SOX6: variants seen among roughly 807,000 people sequenced by gnomAD.
The protein encoded by SOX6 is transcription factor SOX-6.
In SOX6, 11 loss-of-function variants were observed where a neutral mutation model predicts 97.8. The observed-to-expected ratio is 0.11, with a 90% CI of 0.07 to 0.19. The LOEUF (loss-of-function observed/expected upper bound fraction) is 0.19. Ranked by LOEUF, SOX6 falls within the 10% of genes least tolerant of loss-of-function variation. The pLI, the probability that SOX6 is intolerant of heterozygous loss-of-function variation, is 1.00. For synonymous variants in SOX6, 360 were observed against 371.4 expected (o/e 0.97, Z 0.35); for missense variants, 810 against 1,039.5 (o/e 0.78, Z 3.04).
intron 4 of SOX6, among the ~76,000 whole-genome samples, chr11:16,488,822 T>C (rs2133130936): frequency 6.6e-6 from 1 of 152,248 alleles, no homozygotes; most frequent in African/African-American, 2.4e-5. Context: ...CACTTTAAAG[T>C]CCAGACAAGA....
intron 6 of SOX6, among the ~76,000 whole-genome samples, chr11:16,126,030 T>C (rs1282486248): frequency 6.6e-6 from 1 of 152,068 alleles, no homozygotes; most frequent in Non-Finnish European, 1.5e-5. Flanking sequence ...TTACAGAACA[T>C]ATATTTAACA....
chr11:15,994,314 T>C (rs146221704), intron 13 of SOX6, among the ~76,000 whole-genome samples: 168 of 151,178 alleles, frequency 1.1e-3, no homozygotes, highest in African/African-American at 3.9e-3. Flanking sequence ...TACCAGCAGG[T>C]ATGAATGTGA....
chr11:16,589,702 T>C (rs562878816), intron 4 of SOX6, among the ~76,000 whole-genome samples: 120 of 152,304 alleles, frequency 7.9e-4, no homozygotes, highest in African/African-American at 2.6e-3. Flanking sequence ...TAGAGATTTA[T>C]ATCTAGTATC....
In SOX6 at chr11:15,989,073, A is replaced by T. The variant is rs1216170601; in HGVS notation, c.1890T>A (p.Val630=). ...HIKRPMNAFM[V]WAKDERRKIL... is the part of the protein sequence containing the mutation. The stretch of plus-strand genomic sequence containing the variant: ...TTTTTCTCCTCTCATCCTTTGCCCA[A>T]ACCATGAATGCATTCATTGGTCGCT... The change falls in exon 14 of 16, where the codon GTT becomes GTA. Residue 630 remains valine, a synonymous_variant. Transcript: ENST00000683767. 6.2e-7 allele frequency: 1 copy of T among 1,614,176 alleles called. No homozygotes were observed. Among genetic ancestry groups the T allele is most frequent in the South Asian group, 1.1e-5 (1 of 91,080 alleles).
At chr11:16,664,967 C>G (rs1406797877) in intron 3 of SOX6, among the ~76,000 whole-genome samples, 1 of 151,796 alleles carries the variant, frequency 6.6e-6, no homozygotes, top group Non-Finnish European at 1.5e-5. Context: ...AACCTCATAC[C>G]TTGAAGGTAA....
chr11:16,298,151 A>C (rs1855153404), intron 3 of SOX6, among the ~76,000 whole-genome samples: 1 of 152,142 alleles, frequency 6.6e-6, no homozygotes, highest in East Asian at 1.9e-4. Context: ...CTCATTTTAA[A>C]ATTTTATTCC....
chr11:15,999,130 C>T (rs1019448947), intron 13 of SOX6, among the ~76,000 whole-genome samples: 3 of 151,838 alleles, frequency 2.0e-5, no homozygotes, highest in Admixed American at 6.6e-5. Flanking sequence ...TAGTTATGGC[C>T]AATAAGCAGA....
chr11:16,545,376 A>C (rs11023983), intron 4 of SOX6, among the ~76,000 whole-genome samples: 57,306 of 150,684 alleles, frequency 0.38, 12,095 homozygotes, highest in Non-Finnish European at 0.46. Flanking sequence ...ACATCTCAAT[A>C]GACACAGAAA....
At chr11:16,678,395 T>C (rs1375180685) in intron 3 of SOX6, among the ~76,000 whole-genome samples, 1 of 152,240 alleles carries the variant, frequency 6.6e-6, no homozygotes, top group Non-Finnish European at 1.5e-5. Context: ...TTTTAAAATC[T>C]ATTTATTTAG....
intron 1 of SOX6, among the ~76,000 whole-genome samples, chr11:16,454,448 T>A (rs920651895): frequency 6.6e-6 from 1 of 152,038 alleles, no homozygotes; most frequent in Non-Finnish European, 1.5e-5. Flanking sequence ...TCAAGCCATA[T>A]TTATTATTGT....
At chr11:16,478,998 G>A (rs566108205), upstream of SOX6, among the ~76,000 whole-genome samples, 2 of 152,124 alleles carry the variant, frequency 1.3e-5, no homozygotes, top group East Asian at 1.9e-4. Context: ...TACATTCAGC[G>A]AAGAGTGACC....
At chr11:16,555,042 A>C (rs917619670) in intron 4 of SOX6, among the ~76,000 whole-genome samples, 6 of 152,002 alleles carry the variant, frequency 3.9e-5, no homozygotes, top group African/African-American at 1.4e-4. Context: ...GTACAAGACT[A>C]CTTCTCTAAA....
intron 3 of SOX6, among the ~76,000 whole-genome samples, chr11:16,261,396 AT>A (rs1270384026): frequency 6.6e-6 from 1 of 152,068 alleles, no homozygotes; most frequent in African/African-American, 2.4e-5. Flanking sequence ...ATTTTCTGTA[AT>A]TTTTTTCTGC....
At chr11:16,418,922 A>G (rs1858975709) in intron 1 of SOX6, among the ~76,000 whole-genome samples, 1 of 152,074 alleles carries the variant, frequency 6.6e-6, no homozygotes, top group Non-Finnish European at 1.5e-5. Context: ...TCCCACTCCT[A>G]TTTCTCTGAA....
chr11:16,137,289 G>A (rs979063408), intron 6 of SOX6, among the ~76,000 whole-genome samples: 1 of 152,050 alleles, frequency 6.6e-6, no homozygotes, highest in East Asian at 1.9e-4. Flanking sequence ...AGCTGGACAT[G>A]GTGGCATGCG....
intron 1 of SOX6, among the ~76,000 whole-genome samples, chr11:16,463,546 T>A (rs1859972180): frequency 6.6e-6 from 1 of 152,234 alleles, no homozygotes; most frequent in Admixed American, 6.5e-5. Context: ...AAAAACAACA[T>A]GTAAGTGCTT....
At chr11:16,398,934 A>G (rs1448541848) in intron 1 of SOX6, among the ~76,000 whole-genome samples, 1 of 151,394 alleles carries the variant, frequency 6.6e-6, no homozygotes, top group East Asian at 1.9e-4. Flanking sequence ...TTTTATTTTC[A>G]TAGAATCTTT....
chr11:16,377,573 A>G (rs1051911592), intron 1 of SOX6, among the ~76,000 whole-genome samples: 2 of 152,182 alleles, frequency 1.3e-5, no homozygotes, highest in African/African-American at 4.8e-5. Context: ...ACAATTTAAG[A>G]TGGAAAAAAA....
At chr11:16,080,258 T>TAA (rs11354992) in intron 9 of SOX6, among the ~76,000 whole-genome samples, 10 of 106,158 alleles carry the variant, frequency 9.4e-5, no homozygotes, top group African/African-American at 1.8e-4. Context: ...TTAAGAAAAC[T>TAA]AAAAAAAAAA....
Sources: gnomAD v4.1 joint callset for allele counts (sites outside exome capture counted in the v4.1 genomes callset) on GRCh38, gnomAD v4.1.1 for gene constraint, MANE v1.5 for transcripts, NCBI Gene and HGNC (gene_info 2026-07-23, HGNC 2026-07-21) for gene names.